The following SLC36A2 variants were observed in gnomAD, a reference collection of about 807,000 sequenced individuals.
SLC36A2 encodes the protein solute carrier family 36 member 2.
A neutral mutation model predicts 42.7 loss-of-function variants in SLC36A2; 39 were observed. That is an observed-to-expected ratio of 0.91 (90% CI 0.71 to 1.19). The LOEUF (loss-of-function observed/expected upper bound fraction) is 1.19. Among genes scored for constraint, SLC36A2 ranks in the 50% most tolerant of loss-of-function variants. SLC36A2 has a pLI of 0.00. For synonymous variants in SLC36A2, 237 were observed against 240.8 expected, an observed-to-expected ratio of 0.98 and a Z score of 0.15; for missense variants, 590 against 613.7, an observed-to-expected ratio of 0.96 and a Z score of 0.41.
At position 151,336,459 on chromosome 5, in the gene SLC36A2, CTTTTT is replaced by C. The variant is rs769643262; in HGVS notation, c.526-917_526-913del. ...TATTTTCTGCTTAAATTCCCTCAAT[CTTTTT>C]TTTTTTTTTTTTTTTTGCGTATAAT... On this transcript the variant is annotated intron_variant, in intron 5 of 9. Coordinates refer to ENST00000335244, the MANE Select transcript of SLC36A2 (RefSeq NM_181776.3). Among the ~76,000 whole-genome samples the C allele has an allele frequency of 3.3e-3, 375 of 113,192 alleles. 4 individuals carry two copies. Among genetic ancestry groups the C allele is most frequent in the African/African-American group, 0.011 (360 of 31,336 alleles). 74.3% of individuals were successfully genotyped at this position (113,192 alleles called of 152,430 possible).
rs913903778 is a variant in SLC36A2 at position 151,315,196 on chromosome 5, A to T, written c.*1621T>A. On this transcript the variant is annotated 3_prime_UTR_variant, in exon 10 of 10. Coordinates refer to ENST00000335244, the MANE Select transcript of SLC36A2 (RefSeq NM_181776.3). ...TGATCCTCCGGTAGGCTAGCCCAGG[A>T]TGCTTTACTTGGTGGTCTCAACTCC... The T allele has an allele frequency of 6.6e-6, 1 of 152,618 alleles. No homozygotes were observed. Among genetic ancestry groups the T allele is most frequent in the Non-Finnish European group, 1.5e-5 (1 of 68,038 alleles). 9.5% of individuals were successfully genotyped at this position (152,618 alleles called of 1,614,324 possible). A position where few individuals can be genotyped will look rare whatever the true frequency, so the allele number is the denominator to read the frequency against.
intron 9 of SLC36A2, among the ~76,000 whole-genome samples, chr5:151,321,165 T>TTATG (rs1314033708): frequency 7.9e-4 from 118 of 149,012 alleles, no homozygotes; most frequent in Middle Eastern, 3.5e-3. Context: ...ATTTATTTAT[T>TTATG]TATTTATTAA....
chr5:151,346,380 C>G (rs1437299850), intron 1 of SLC36A2, among the ~76,000 whole-genome samples: 4 of 152,122 alleles, frequency 2.6e-5, no homozygotes, highest in Non-Finnish European at 5.9e-5. Context: ...CTGCCCCTTA[C>G]AGTCCCTCCC....
chr5:151,333,356 T>C (rs1297893161), intron 6 of SLC36A2, 34 bp from the exon 7 acceptor site: 1 of 1,571,268 alleles, frequency 6.4e-7, no homozygotes, highest in Admixed American at 1.7e-5. Flanking sequence ...AGACAGTCAC[T>C]CTTAAAGCAC....
At chr5:151,335,816 G>A (rs1756139674) in intron 5 of SLC36A2, among the ~76,000 whole-genome samples, 1 of 152,128 alleles carries the variant, frequency 6.6e-6, no homozygotes, top group South Asian at 2.1e-4. Context: ...ATCATTTGAG[G>A]TCAGAAGTTC....
chr5:151,333,171 T>C, intron 7 of SLC36A2, 53 bp downstream of exon 7: 8 of 1,495,410 alleles, frequency 5.3e-6, no homozygotes, highest in African/African-American at 1.4e-5. Context: ...AGTTCCTTTC[T>C]AGAAGGTCAC....
chr5:151,330,655 T>A lies in SLC36A2; in HGVS notation c.843+2569A>T, dbSNP rs1755970400. 2.0e-5 allele frequency among the ~76,000 whole-genome samples: 3 copies of A among 152,320 alleles called. No individual in the cohort carries two copies. The Middle Eastern group carries it at 0.01, about 518-fold the overall frequency. On this transcript the variant is annotated intron_variant, in intron 7 of 9. Transcript: ENST00000335244. ...TATCTGAGTAGATATAATAGCCTAT[T>A]TTTTCCCTAGTAAGTTTATTACAAG... is the stretch of plus-strand genomic sequence containing the variant.
At chr5:151,320,100 A>G (rs937436176) in intron 9 of SLC36A2, among the ~76,000 whole-genome samples, 8 of 149,990 alleles carry the variant, frequency 5.3e-5, no homozygotes, top group Admixed American at 2.0e-4. Context: ...CTAGTAAAAA[A>G]AAGTTCTTTG....
intron 9 of SLC36A2, chr5:151,319,330 G>A (rs140279369): frequency 1.3e-5 from 2 of 156,452 alleles, no homozygotes; most frequent in East Asian, 1.9e-4. Flanking sequence ...CTGCATTCAA[G>A]GTCAAATTGA....
intron 6 of SLC36A2, 89 bp from the exon 7 acceptor site, chr5:151,333,411 A>C (rs1477009994): frequency 9.1e-7 from 1 of 1,097,970 alleles, no homozygotes; most frequent in Admixed American, 1.8e-5. Flanking sequence ...TGAGACCTGA[A>C]TTTTTTAAAA....
At chr5:151,338,777 C>T (rs1007362936) in intron 5 of SLC36A2, 10 of 317,108 alleles carry the variant, frequency 3.2e-5, no homozygotes, top group Non-Finnish European at 5.6e-5. Context: ...AATTAAGCTT[C>T]AAGGCAGGAG....
Position 151,334,992 on chromosome 5 carries a change from A to G in SLC36A2, c.744+337T>C, listed in dbSNP as rs560185076. ...CGCAATAACTTTTAGCTGTAGTACAAGAATCTGTTTTCGCCTGCCTTTTGC... is the reference window on the plus strand; with the variant it reads ...CGCAATAACTTTTAGCTGTAGTACAGGAATCTGTTTTCGCCTGCCTTTTGC... On this transcript the variant is annotated intron_variant, in intron 6 of 9. Transcript: ENST00000335244. 3.9e-5 allele frequency among the ~76,000 whole-genome samples: 6 copies of G among 152,276 alleles called. No individual in the cohort carries two copies. The South Asian group carries it at 1.2e-3, about 32-fold the overall frequency.
At chr5:151,346,883 T>C (rs940286961) in intron 1 of SLC36A2, among the ~76,000 whole-genome samples, 11 of 152,212 alleles carry the variant, frequency 7.2e-5, no homozygotes, top group African/African-American at 2.4e-4. Context: ...TACTTAGTGG[T>C]CAGTGAGGCC....
intron 7 of SLC36A2, among the ~76,000 whole-genome samples, chr5:151,329,992 T>C (rs928211390): frequency 1.3e-5 from 2 of 151,840 alleles, no homozygotes; most frequent in African/African-American, 4.8e-5. Context: ...TAGGCACAGA[T>C]TGGTTATACA....
intron 7 of SLC36A2, among the ~76,000 whole-genome samples, chr5:151,329,677 G>A (rs1755943933): frequency 1.3e-5 from 2 of 152,234 alleles, no homozygotes; most frequent in African/African-American, 2.4e-5. Flanking sequence ...GTAGGGGCTT[G>A]ATAGCGGAAT....
chr5:151,335,327 A>C lies in SLC36A2; in HGVS notation c.744+2T>G, dbSNP rs1178140535. 1 of 1,609,834 alleles carries C rather than the reference A, an allele frequency of 6.2e-7. No homozygotes were observed. Among genetic ancestry groups the C allele is most frequent in the Admixed American group, 1.7e-5 (1 of 59,404 alleles). On this transcript the variant is annotated splice_donor_variant, in intron 6 of 9. Transcript: ENST00000335244. LOFTEE classifies it high-confidence loss of function. ...GTGGGCAGGTGCATGGTGTGCACTC[A>C]CCTGGGTAATGTACTGTATGATGAT... is the stretch of plus-strand genomic sequence containing the variant.
chr5:151,323,920 A>C (rs1367762884), intron 8 of SLC36A2, among the ~76,000 whole-genome samples: 2 of 152,224 alleles, frequency 1.3e-5, no homozygotes, highest in African/African-American at 4.8e-5. Flanking sequence ...ATTTAGGCAA[A>C]TTAGGTCTCC....
chr5:151,333,439 T>A, intron 6 of SLC36A2, 117 bp from the exon 7 acceptor site: 2 of 864,288 alleles, frequency 2.3e-6, no homozygotes, highest in Non-Finnish European at 3.8e-6. Flanking sequence ...TCAAGAAGTT[T>A]AGAAAACTTC....
chr5:151,325,380 C>A lies in SLC36A2; in HGVS notation c.916G>T (p.Val306Phe), dbSNP rs573586020. 6.2e-6 allele frequency: 10 copies of A among 1,614,132 alleles called. No individual in the cohort carries two copies. In the South Asian group the frequency reaches 7.7e-5, roughly 12 times the overall value. ...PAILSLGMSIVTSLYIGMAAL... is the reference protein window; with the variant it reads ...PAILSLGMSIFTSLYIGMAAL... Reference sequence around the variant, plus strand: ...GCCATGCCAATGTATAGGGAAGTGACGATGGACATTCCCAAAGACAGGATG... The same window carrying A: ...GCCATGCCAATGTATAGGGAAGTGAAGATGGACATTCCCAAAGACAGGATG... The change falls in exon 8 of 10, where the codon GTC becomes TTC. Residue 306 changes from valine (V) to phenylalanine (F), a missense_variant. Transcript: ENST00000335244.
Sources: gnomAD v4.1 joint callset for allele counts (sites outside exome capture counted in the v4.1 genomes callset) on GRCh38, gnomAD v4.1.1 for gene constraint, MANE v1.5 for transcripts, NCBI Gene and HGNC (gene_info 2026-07-23, HGNC 2026-07-21) for gene names.